Variants in PPP1R14C observed in about 807,000 individuals in gnomAD.
The protein encoded by PPP1R14C is protein phosphatase 1 regulatory subunit 14C.
Under a neutral mutation model 20.4 loss-of-function variants are expected in PPP1R14C, and 16 were observed. The observed-to-expected ratio is 0.78, with a 90% CI of 0.53 to 1.19. The LOEUF is 1.19. PPP1R14C is among the 50% of genes most tolerant of loss of function. The pLI, the probability that PPP1R14C is intolerant of heterozygous loss-of-function variation, is 0.00. For missense variants in PPP1R14C, 211 were observed against 220.1 expected (o/e 0.96, Z 0.26); for synonymous variants, 91 against 91.0 (o/e 1.00, Z 0.00).
intron 1 of PPP1R14C, among the ~76,000 whole-genome samples, chr6:150,210,445 T>C (rs960739213): frequency 6.6e-6 from 1 of 152,256 alleles, no homozygotes; most frequent in Admixed American, 6.5e-5. Context: ...CTTCAAGCCC[T>C]GTTGCTTCGC....
intron 2 of PPP1R14C, among the ~76,000 whole-genome samples, 179 bp from the exon 3 acceptor site, chr6:150,216,645 C>T (rs988419212): frequency 1.3e-5 from 2 of 151,856 alleles, no homozygotes; most frequent in African/African-American, 4.8e-5. Context: ...GAAGGTTAAA[C>T]GTTTTCTATC....
intron 1 of PPP1R14C, among the ~76,000 whole-genome samples, chr6:150,160,450 T>TC (rs1320712787): frequency 6.6e-6 from 1 of 150,868 alleles, no homozygotes; most frequent in African/African-American, 2.4e-5. Flanking sequence ...TTTTTTTGTA[T>TC]TTTTAGTAGA....
chr6:150,180,107 C>G (rs550006781), intron 1 of PPP1R14C, among the ~76,000 whole-genome samples: 1 of 152,166 alleles, frequency 6.6e-6, no homozygotes, highest in African/African-American at 2.4e-5. Context: ...GAAGCTGAGG[C>G]GTGAGAATCA....
At chr6:150,239,141 A>T (rs1326396780) in intron 3 of PPP1R14C, among the ~76,000 whole-genome samples, 1 of 152,230 alleles carries the variant, frequency 6.6e-6, no homozygotes, top group East Asian at 1.9e-4. Flanking sequence ...TAAATAACAT[A>T]TCATTTTCAC....
intron 3 of PPP1R14C, 149 bp downstream of exon 3, chr6:150,217,005 C>T: frequency 1.7e-6 from 1 of 583,000 alleles, no homozygotes. Flanking sequence ...GTTTGAATAG[C>T]TCTAACTTCA....
chr6:150,218,175 G>A (rs948031504), intron 3 of PPP1R14C, among the ~76,000 whole-genome samples: 5 of 152,106 alleles, frequency 3.3e-5, no homozygotes, highest in East Asian at 1.9e-4. Flanking sequence ...GGGCCGAGAC[G>A]GGTGGATCAC....
chr6:150,212,163 T>C (rs1203227625), intron 1 of PPP1R14C, among the ~76,000 whole-genome samples: 1 of 152,242 alleles, frequency 6.6e-6, no homozygotes, highest in Non-Finnish European at 1.5e-5. Context: ...CACTGTCCAA[T>C]AGAGCTTTCT....
intron 3 of PPP1R14C, among the ~76,000 whole-genome samples, chr6:150,220,546 G>C (rs1213204610): frequency 6.6e-6 from 1 of 152,200 alleles, no homozygotes; most frequent in Non-Finnish European, 1.5e-5. Flanking sequence ...CATGTAATAT[G>C]GGAGTGGAAG....
intron 3 of PPP1R14C, among the ~76,000 whole-genome samples, chr6:150,239,642 A>G (rs566485463): frequency 1.8e-4 from 28 of 152,346 alleles, no homozygotes; most frequent in African/African-American, 6.3e-4. Flanking sequence ...AAAGGTCTCA[A>G]AGCAATGGCC....
intron 3 of PPP1R14C, among the ~76,000 whole-genome samples, chr6:150,227,613 G>C (rs1369622447): frequency 6.6e-6 from 1 of 152,172 alleles, no homozygotes; most frequent in African/African-American, 2.4e-5. Context: ...GGCTGTCATG[G>C]GGTTTCCTCG....
At chr6:150,234,899 C>A (rs1488980832) in intron 3 of PPP1R14C, among the ~76,000 whole-genome samples, 1 of 132,912 alleles carries the variant, frequency 7.5e-6, no homozygotes, top group Non-Finnish European at 1.6e-5. Flanking sequence ...CGGACGCACA[C>A]AATAGTATCT....
At chr6:150,224,975 C>T (rs1435479374) in intron 3 of PPP1R14C, among the ~76,000 whole-genome samples, 3 of 151,830 alleles carry the variant, frequency 2.0e-5, no homozygotes, top group Admixed American at 2.0e-4. Flanking sequence ...CTGTGAACTT[C>T]ACAAGTGCTT....
chr6:150,213,346 A>AACACACACAC (rs3049230), intron 1 of PPP1R14C, among the ~76,000 whole-genome samples: 48 of 149,410 alleles, frequency 3.2e-4, no homozygotes, highest in East Asian at 1.2e-3. Flanking sequence ...TTTGTGTTGT[A>AACACACACAC]ACACACACAC....
chr6:150,227,711 C>T (rs1418750126), intron 3 of PPP1R14C, among the ~76,000 whole-genome samples: 6 of 151,584 alleles, frequency 4.0e-5, no homozygotes, highest in African/African-American at 4.9e-5. Context: ...AAAGTTGTCA[C>T]GTTTAGAACA....
At chr6:150,235,587 G>A (rs986098595) in intron 3 of PPP1R14C, among the ~76,000 whole-genome samples, 3 of 152,234 alleles carry the variant, frequency 2.0e-5, no homozygotes, top group Non-Finnish European at 4.4e-5. Flanking sequence ...GGCACTGGAC[G>A]TGCCAATGAG....
At chr6:150,221,851 C>T (rs575564208) in intron 3 of PPP1R14C, among the ~76,000 whole-genome samples, 1 of 152,056 alleles carries the variant, frequency 6.6e-6, no homozygotes, top group Non-Finnish European at 1.5e-5. Flanking sequence ...CAGGCTGCAG[C>T]GTGGTGGCAC....
chr6:150,247,684 A>G (rs1029846241), intron 3 of PPP1R14C, among the ~76,000 whole-genome samples: 4 of 152,012 alleles, frequency 2.6e-5, no homozygotes, highest in African/African-American at 7.3e-5. Flanking sequence ...TGGTTTTTTT[A>G]TCTATAGTTT....
intron 1 of PPP1R14C, among the ~76,000 whole-genome samples, chr6:150,204,807 G>A (rs578258709): frequency 9.2e-5 from 14 of 152,260 alleles, no homozygotes; most frequent in East Asian, 3.9e-4. Context: ...CCAAGGGACC[G>A]ACTCTGTGCT....
chr6:150,155,718 A>T (rs936263674), intron 1 of PPP1R14C, among the ~76,000 whole-genome samples: 6 of 152,116 alleles, frequency 3.9e-5, no homozygotes, highest in Non-Finnish European at 8.8e-5. Flanking sequence ...GGAGTCAGCC[A>T]TTTCTTAAGA....
Sources: allele counts gnomAD v4.1 joint callset (sites outside exome capture counted in the v4.1 genomes callset), GRCh38; gene constraint gnomAD v4.1.1; transcripts MANE v1.5; gene names NCBI Gene and HGNC (gene_info 2026-07-23, HGNC 2026-07-21).